The following RIMS2 variants were observed in gnomAD, a reference collection of about 807,000 sequenced individuals.
The protein encoded by RIMS2 is regulating synaptic membrane exocytosis 2.
Under a neutral mutation model 174.4 loss-of-function variants are expected in RIMS2, and 59 were observed. The observed-to-expected ratio is 0.34, with a 90% confidence interval of 0.27 to 0.42. The LOEUF is 0.42. Among genes scored for constraint, RIMS2 ranks in the 10% least tolerant of loss-of-function variants. RIMS2 has a pLI of 1.00. For missense variants in RIMS2, 1,620 were observed against 1,666.3 expected (o/e 0.97, Z 0.48); for synonymous variants, 606 against 572.5 (o/e 1.06, Z -0.84).
At chr8:103,876,864 T>TTTTTA (rs1378279723) in intron 3 of RIMS2, among the ~76,000 whole-genome samples, 13 of 68,106 alleles carry the variant, frequency 1.9e-4, no homozygotes, top group South Asian at 6.6e-4. Flanking sequence ...ACACACTATT[T>TTTTTA]TATATATATA....
intron 13 of RIMS2, among the ~76,000 whole-genome samples, chr8:103,941,001 G>C (rs536053272): frequency 6.6e-6 from 1 of 152,162 alleles, no homozygotes; most frequent in Non-Finnish European, 1.5e-5. Flanking sequence ...CCACTTCTTA[G>C]CCTTGTGTCT....
chr8:103,644,248 C>A (rs1031728614), intron 1 of RIMS2, among the ~76,000 whole-genome samples: 3 of 152,076 alleles, frequency 2.0e-5, no homozygotes, highest in African/African-American at 7.2e-5. Context: ...GACCTCTGCT[C>A]CTGGACATTT....
At chr8:103,971,682 C>T (rs1020588653) in intron 15 of RIMS2, among the ~76,000 whole-genome samples, 4 of 151,980 alleles carry the variant, frequency 2.6e-5, no homozygotes, top group African/African-American at 9.7e-5. Context: ...AGCAATGCGT[C>T]TGCCTCAGCC....
In RIMS2 at chr8:103,677,254, T is replaced by TA. The variant is rs148777707; in HGVS notation, c.177-19822dup. Among the ~76,000 whole-genome samples, 84 of 148,792 alleles carry TA rather than the reference T, an allele frequency of 5.6e-4. 1 individual carries two copies. Among genetic ancestry groups the TA allele is most frequent in the Middle Eastern group, 3.4e-3 (1 of 290 alleles). ...AATGATTTTTTCCTACTTAAGTGTGTAAAAAAAAAAGAAACAAAGGGGATG... is the reference window on the plus strand; with the variant it reads ...AATGATTTTTTCCTACTTAAGTGTGTAAAAAAAAAAAGAAACAAAGGGGATG... On this transcript the variant is annotated intron_variant, in intron 1 of 23. Coordinates refer to ENST00000504942, the Ensembl canonical transcript of RIMS2.
chr8:103,886,725 T>C (rs1170766000), intron 4 of RIMS2, among the ~76,000 whole-genome samples: 1 of 151,790 alleles, frequency 6.6e-6, no homozygotes, highest in Non-Finnish European at 1.5e-5. Flanking sequence ...ATAAAATTGA[T>C]ATCATGCTAT....
chr8:104,106,533 T>C (rs924191332), intron 19 of RIMS2, among the ~76,000 whole-genome samples: 2 of 152,192 alleles, frequency 1.3e-5, no homozygotes, highest in Admixed American at 1.3e-4. Flanking sequence ...ACTTGTCTGC[T>C]ATAGGGATAA....
chr8:103,942,804 A>T, exon 14 of RIMS2: 1 of 1,612,844 alleles, frequency 6.2e-7, no homozygotes, highest in African/African-American at 1.3e-5. Context: ...GCATTATTAG[A>T]TGATGAGCCA....
At chr8:103,631,726 G>A (rs1354402793) in intron 1 of RIMS2, among the ~76,000 whole-genome samples, 2 of 152,114 alleles carry the variant, frequency 1.3e-5, no homozygotes, top group Non-Finnish European at 2.9e-5. Context: ...GGTAGTATGG[G>A]CATTTTAATG....
At chr8:103,893,113 ATAGAG>A (rs1273149571) in intron 4 of RIMS2, among the ~76,000 whole-genome samples, 1 of 152,058 alleles carries the variant, frequency 6.6e-6, no homozygotes, top group Non-Finnish European at 1.5e-5. Context: ...TTCAAGAGGG[ATAGAG>A]TAGATTCATT....
chr8:103,640,969 A>G (rs1201842610), intron 1 of RIMS2, among the ~76,000 whole-genome samples: 1 of 152,160 alleles, frequency 6.6e-6, no homozygotes, highest in Non-Finnish European at 1.5e-5. Context: ...GTAACAGTGG[A>G]TTAATCTCTT....
At chr8:103,972,760 T>C (rs2093023102) in intron 15 of RIMS2, among the ~76,000 whole-genome samples, 1 of 152,172 alleles carries the variant, frequency 6.6e-6, no homozygotes, top group Non-Finnish European at 1.5e-5. Flanking sequence ...TGTCACCTTC[T>C]CAATTTGTGT....
At chr8:103,903,187 T>C (rs1415462831) in intron 4 of RIMS2, among the ~76,000 whole-genome samples, 1 of 152,120 alleles carries the variant, frequency 6.6e-6, no homozygotes, top group Non-Finnish European at 1.5e-5. Context: ...ATATCACAAC[T>C]AATTTTTTTC....
Position 103,867,654 on chromosome 8 carries a change from C to G in RIMS2, c.699-17644C>G, listed in dbSNP as rs150542212. On this transcript the variant is annotated intron_variant, in intron 3 of 23. Coordinates refer to ENST00000504942, the Ensembl canonical transcript of RIMS2. Reference sequence around the variant, plus strand: ...TAGTTGTTCTACTTATGCTTCTGTGCTGTGAGATAATAATAATTATGATAA... The same window carrying G: ...TAGTTGTTCTACTTATGCTTCTGTGGTGTGAGATAATAATAATTATGATAA... 9.7e-3 allele frequency among the ~76,000 whole-genome samples: 1,473 copies of G among 151,972 alleles called. 20 individuals carry two copies. The highest frequency in any genetic ancestry group is 0.032 in the African/African-American group (1,313 of 41,504).
intron 19 of RIMS2, among the ~76,000 whole-genome samples, chr8:104,036,244 G>T (rs1381476272): frequency 6.6e-6 from 1 of 151,850 alleles, no homozygotes; most frequent in Admixed American, 6.6e-5. Flanking sequence ...TCCGCCTCCT[G>T]GGTTCACCCC....
At chr8:103,821,823 GA>G (rs2098753785) in intron 3 of RIMS2, among the ~76,000 whole-genome samples, 1 of 151,280 alleles carries the variant, frequency 6.6e-6, no homozygotes, top group Non-Finnish European at 1.5e-5. Context: ...TATTCTTGAA[GA>G]AAAAAATCAT....
intron 1 of RIMS2, among the ~76,000 whole-genome samples, chr8:103,596,945 A>G (rs1384172208): frequency 6.6e-6 from 1 of 152,096 alleles, no homozygotes; most frequent in African/African-American, 2.4e-5. Context: ...TTTCCCCACA[A>G]TATGAATCTT....
intron 4 of RIMS2, among the ~76,000 whole-genome samples, chr8:103,886,938 A>G (rs536963327): frequency 1.2e-3 from 180 of 151,932 alleles, no homozygotes; most frequent in Middle Eastern, 6.8e-3. Context: ...GGTTATCTTT[A>G]TACATACTTT....
Position 104,250,950 on chromosome 8 carries a change from T to A in RIMS2, c.3692-74T>A. The stretch of plus-strand genomic sequence containing the variant: ...TTTCAGCCAAAGATTACTAAACTGG[T>A]AAATGTCACCGTGCGTCGGCCATTT... On this transcript the variant is annotated intron_variant, in intron 22 of 23. Coordinates refer to ENST00000504942, the Ensembl canonical transcript of RIMS2. 3 of 1,317,620 alleles carry A rather than the reference T, an allele frequency of 2.3e-6. No homozygotes were observed. The South Asian group carries it at 3.9e-5, about 17-fold the overall frequency. 81.6% of individuals were successfully genotyped at this position (1,317,620 alleles called of 1,614,324 possible).
intron 19 of RIMS2, among the ~76,000 whole-genome samples, chr8:104,042,172 G>A (rs2096620520): frequency 6.6e-6 from 1 of 151,454 alleles, no homozygotes; most frequent in Non-Finnish European, 1.5e-5. Context: ...CCCCTGGGGA[G>A]GATGGATATT....
Sources: allele counts gnomAD v4.1 joint callset (sites outside exome capture counted in the v4.1 genomes callset), GRCh38; gene constraint gnomAD v4.1.1; transcripts MANE v1.5; gene names NCBI Gene and HGNC (gene_info 2026-07-23, HGNC 2026-07-21).